Variants in DLGAP2 observed in about 807,000 individuals in gnomAD.
The protein encoded by DLGAP2 is DLG associated protein 2.
In DLGAP2, 26 loss-of-function variants were observed where a neutral mutation model predicts 100.3. The ratio of observed to expected loss-of-function variants is 0.26; its 90% CI spans 0.19 to 0.36. The LOEUF (loss-of-function observed/expected upper bound fraction) is 0.36, where lower values mean the gene tolerates loss of function less well. Ranked by LOEUF, DLGAP2 falls within the 10% of genes least tolerant of loss-of-function variation. The pLI is 1.00. For synonymous variants in DLGAP2, 886 were observed against 630.1 expected, an observed-to-expected ratio of 1.41 and a Z score of -6.08; for missense variants, 1,858 against 1,453.2, an observed-to-expected ratio of 1.28 and a Z score of -4.53.
At chr8:1,575,147 C>T (rs1308609076) in intron 6 of DLGAP2, among the ~76,000 whole-genome samples, 2 of 152,180 alleles carry the variant, frequency 1.3e-5, no homozygotes, top group Admixed American at 6.5e-5. Context: ...GTATTCCACA[C>T]CGTATCTGCT....
At chr8:1,059,035 A>G (rs748234810) in intron 2 of DLGAP2, among the ~76,000 whole-genome samples, 16 of 152,198 alleles carry the variant, frequency 1.1e-4, no homozygotes, top group Non-Finnish European at 2.2e-4. Flanking sequence ...GAGAAGACAT[A>G]AACGGAAGTC....
At chr8:1,646,286 T>A (rs1012285111) in intron 8 of DLGAP2, among the ~76,000 whole-genome samples, 2 of 152,154 alleles carry the variant, frequency 1.3e-5, no homozygotes, top group Non-Finnish European at 2.9e-5. Context: ...GATCTCCAGC[T>A]TGCCACTCTC....
At position 1,706,745 on chromosome 8, in the gene DLGAP2, G is replaced by T. The variant is rs1164487977; in HGVS notation, c.*5339G>T. The T allele has an allele frequency of 6.6e-6, 1 of 152,146 alleles. No homozygotes were observed. Among genetic ancestry groups the T allele is most frequent in the Non-Finnish European group, 1.5e-5 (1 of 68,036 alleles). 9.4% of individuals were successfully genotyped at this position (152,146 alleles called of 1,614,324 possible). A position where few individuals can be genotyped will look rare whatever the true frequency, so the allele number is the denominator to read the frequency against. ...ATGAAGGAAAAAAAATTATTTGGAA[G>T]CCGAAAACCGCATGGGTGGGGAAAC... On this transcript the variant is annotated 3_prime_UTR_variant, in exon 15 of 15. Transcript: ENST00000637795.
chr8:1,686,275 A>C (rs1235904379), intron 12 of DLGAP2, among the ~76,000 whole-genome samples: 1 of 152,220 alleles, frequency 6.6e-6, no homozygotes, highest in African/African-American at 2.4e-5. Flanking sequence ...AAAAGGAATT[A>C]AGTCTTGTCA....
chr8:1,456,307 C>T (rs1219616319), intron 3 of DLGAP2, among the ~76,000 whole-genome samples: 1 of 152,232 alleles, frequency 6.6e-6, no homozygotes, highest in African/African-American at 2.4e-5. Context: ...ACGCTTCTCC[C>T]AGGCTGCCAC....
At chr8:1,141,567 A>C (rs180910325) in intron 2 of DLGAP2, among the ~76,000 whole-genome samples, 1 of 152,340 alleles carries the variant, frequency 6.6e-6, no homozygotes, top group Non-Finnish European at 1.5e-5. Context: ...TCAGACAGCC[A>C]TAACCTTTAT....
At chr8:1,516,057 G>A (rs1800363553) in intron 4 of DLGAP2, among the ~76,000 whole-genome samples, 1 of 152,080 alleles carries the variant, frequency 6.6e-6, no homozygotes, top group African/African-American at 2.4e-5. Flanking sequence ...GAATGAGTGA[G>A]TGGGTGAGTA....
intron 1 of DLGAP2, among the ~76,000 whole-genome samples, chr8:857,211 A>G (rs960952121): frequency 7.9e-5 from 12 of 152,232 alleles, no homozygotes; most frequent in African/African-American, 2.7e-4. Flanking sequence ...CCTTTACAAA[A>G]TTAACACAAA....
At position 1,218,789 on chromosome 8, in the gene DLGAP2, T is replaced by A. The variant is rs961753843; in HGVS notation, c.74-40062T>A. The stretch of plus-strand genomic sequence containing the variant: ...TGGAATGTTTTTCCATTGACTTGTT[T>A]CATCTCTAATATCTTTCAGAATTTT... On this transcript the variant is annotated intron_variant, in intron 2 of 14. Transcript: ENST00000637795. 2.0e-5 allele frequency among the ~76,000 whole-genome samples: 3 copies of A among 152,210 alleles called. No individual in the cohort carries two copies. In the South Asian group the frequency reaches 6.2e-4, roughly 31 times the overall value.
chr8:1,220,731 A>C lies in DLGAP2; in HGVS notation c.74-38120A>C, dbSNP rs577211976. On this transcript the variant is annotated intron_variant, in intron 2 of 14. Coordinates refer to ENST00000637795, the MANE Select transcript of DLGAP2 (RefSeq NM_001346810.2). ...AATCTCCCACTATTACTGTGTGGTT[A>C]TCAAAGTCTTTTCATAGGCCTCTGA... 5.9e-5 allele frequency among the ~76,000 whole-genome samples: 9 copies of C among 152,322 alleles called. No individual in the cohort carries two copies. The South Asian group carries it at 1.9e-3, about 32-fold the overall frequency.
intron 3 of DLGAP2, among the ~76,000 whole-genome samples, chr8:1,418,784 C>T (rs1797008740): frequency 6.6e-6 from 1 of 152,224 alleles, no homozygotes; most frequent in Admixed American, 6.5e-5. Context: ...ACCCTGACCA[C>T]CTGCACTTCC....
intron 2 of DLGAP2, among the ~76,000 whole-genome samples, chr8:1,239,387 G>A (rs372094632): frequency 1.3e-3 from 17 of 13,188 alleles, no homozygotes; most frequent in South Asian, 2.9e-3. Flanking sequence ...GTTCTCTCAC[G>A]TGGTGCCGTG....
chr8:1,648,132 G>A (rs976385488), intron 8 of DLGAP2, among the ~76,000 whole-genome samples: 8 of 152,230 alleles, frequency 5.3e-5, no homozygotes, highest in Non-Finnish European at 8.8e-5. Context: ...ACGTATGAGT[G>A]AGTGATTTGA....
chr8:1,012,518 C>G (rs1801321114), intron 2 of DLGAP2, among the ~76,000 whole-genome samples: 1 of 147,860 alleles, frequency 6.8e-6, no homozygotes, highest in African/African-American at 2.5e-5. Flanking sequence ...GCAGTGTGGA[C>G]AACGTCCGAC....
chr8:836,243 G>A (rs1278624950), intron 1 of DLGAP2, among the ~76,000 whole-genome samples: 1 of 152,184 alleles, frequency 6.6e-6, no homozygotes, highest in Admixed American at 6.5e-5. Flanking sequence ...CCAGTGCCCC[G>A]CAAGGCTCGG....
intron 2 of DLGAP2, among the ~76,000 whole-genome samples, chr8:933,234 TTG>T (rs1798998866): frequency 1.3e-5 from 2 of 152,268 alleles, no homozygotes; most frequent in African/African-American, 4.8e-5. Context: ...TGCTGCTTCC[TTG>T]ACCCCTGATC....
At chr8:1,512,030 T>G (rs945219889) in intron 4 of DLGAP2, among the ~76,000 whole-genome samples, 3 of 152,202 alleles carry the variant, frequency 2.0e-5, no homozygotes, top group Admixed American at 6.5e-5. Flanking sequence ...ACTAACAATC[T>G]TCAGAAGTCT....
intron 1 of DLGAP2, among the ~76,000 whole-genome samples, chr8:742,654 C>T (rs1207376601): frequency 6.6e-6 from 1 of 151,982 alleles, no homozygotes; most frequent in Non-Finnish European, 1.5e-5. Context: ...TGTATGTCAC[C>T]GCACCCAACT....
At chr8:1,501,772 T>C (rs1563186657) in intron 4 of DLGAP2, among the ~76,000 whole-genome samples, 1 of 152,064 alleles carries the variant, frequency 6.6e-6, no homozygotes, top group Non-Finnish European at 1.5e-5. Context: ...GTTCCCGCAT[T>C]TGCATTTTTC....
Sources: gnomAD v4.1 joint callset for allele counts (sites outside exome capture counted in the v4.1 genomes callset) on GRCh38, gnomAD v4.1.1 for gene constraint, MANE v1.5 for transcripts, NCBI Gene and HGNC (gene_info 2026-07-23, HGNC 2026-07-21) for gene names.